Variants in TAAR5 observed in about 807,000 individuals in gnomAD.
TAAR5 encodes trace amine associated receptor 5.
A neutral mutation model predicts 21.1 loss-of-function variants in TAAR5; 27 were observed. The ratio of observed to expected loss-of-function variants is 1.28; its 90% confidence interval spans 0.94 to 1.76. TAAR5 has a LOEUF of 1.76. Ranked by LOEUF, TAAR5 falls within the 40% of genes most tolerant of loss-of-function variation. The probability of loss-of-function intolerance (pLI) is 0.00; values close to 1 mark genes in which losing one functional copy is unlikely to be tolerated. For synonymous variants in TAAR5, 203 were observed against 167.5 expected, an observed-to-expected ratio of 1.21 and a Z score of -1.64; for missense variants, 495 against 405.6, an observed-to-expected ratio of 1.22 and a Z score of -1.89.
the TAAR5 span, among the ~76,000 whole-genome samples, chr6:132,607,480 A>AC: frequency 6.6e-6 from 1 of 152,100 alleles, no homozygotes; most frequent in Non-Finnish European, 1.5e-5. Flanking sequence ...TTTGGGGGGT[A>AC]CCCTAAGGAA....
the TAAR5 span, among the ~76,000 whole-genome samples, chr6:132,598,013 A>G: frequency 6.6e-6 from 1 of 152,192 alleles, no homozygotes; most frequent in East Asian, 1.9e-4. Flanking sequence ...AGAAGAGGGA[A>G]ATATAGCTCA....
Position 132,589,705 on chromosome 6 carries a change from C to G in TAAR5, c.-19G>C. 8.1e-7 allele frequency: 1 copy of G among 1,239,038 alleles called. No individual in the cohort carries two copies. The highest frequency in any genetic ancestry group is 2.8e-5 in the Admixed American group (1 of 35,316). 76.8% of individuals were successfully genotyped at this position (1,239,038 alleles called of 1,614,324 possible). A position where few individuals can be genotyped will look rare whatever the true frequency, so the allele number is the denominator to read the frequency against. On this transcript the variant is annotated 5_prime_UTR_variant, in exon 1 of 1. Transcript: ENST00000258034. The stretch of plus-strand genomic sequence containing the variant: ...CTCTCATTTATGATTTCTACTCTTC[C>G]TCTGTCTGAGAACTGGCCACCTTCT...
chr6:132,597,401 T>C, the TAAR5 span, among the ~76,000 whole-genome samples: 4 of 152,152 alleles, frequency 2.6e-5, no homozygotes, highest in Non-Finnish European at 4.4e-5. Flanking sequence ...TGAAAAGTTA[T>C]GAAAACAAGT....
In TAAR5 at chr6:132,588,969, G is replaced by A. The variant is rs188569215; in HGVS notation, c.718C>T (p.Leu240=). The A allele has an allele frequency of 2.2e-4, 362 of 1,614,048 alleles. No individual in the cohort carries two copies. The highest frequency in any genetic ancestry group is 2.8e-4 in the Non-Finnish European group (336 of 1,179,980). The stretch of plus-strand genomic sequence containing the variant: ...CTCTCATGCTTGGCAGCCCCAGCCA[G>A]GCTTTTGCTCAATGTGGTAATCTGC... The part of the protein sequence containing the change: ...AQQITTLSKS[L]AGAAKHERKA... Residue 240 remains leucine (L), a synonymous_variant, in exon 1 of 1, where the codon CTG becomes TTG. Transcript: ENST00000258034.
the TAAR5 span, among the ~76,000 whole-genome samples, chr6:132,613,694 C>T: frequency 6.6e-6 from 1 of 152,152 alleles, no homozygotes; most frequent in East Asian, 1.9e-4. Context: ...TGTCTGGACA[C>T]ATTCATTTTA....
chr6:132,598,456 A>G, the TAAR5 span, among the ~76,000 whole-genome samples: 1 of 152,180 alleles, frequency 6.6e-6, no homozygotes, highest in Non-Finnish European at 1.5e-5. Context: ...AGGCTGGTGA[A>G]ATTAATATAA....
the TAAR5 span, chr6:132,609,200 C>A: frequency 2.8e-6 from 1 of 352,552 alleles, no homozygotes; most frequent in African/African-American, 2.1e-5. Flanking sequence ...ATGAAAAGAG[C>A]GGTTGGTGGG....
At chr6:132,595,608 G>A in the TAAR5 span, among the ~76,000 whole-genome samples, 3 of 152,148 alleles carry the variant, frequency 2.0e-5, no homozygotes, top group African/African-American at 4.8e-5. Context: ...CTGACCAGGA[G>A]CACTGCTTCC....
the TAAR5 span, among the ~76,000 whole-genome samples, chr6:132,597,374 C>T: frequency 3.3e-5 from 5 of 151,982 alleles, no homozygotes; most frequent in Admixed American, 1.3e-4. Context: ...TTTCAAACTC[C>T]TATCTTAAGC....
At chr6:132,597,559 A>G in the TAAR5 span, among the ~76,000 whole-genome samples, 9 of 152,212 alleles carry the variant, frequency 5.9e-5, no homozygotes, top group African/African-American at 2.2e-4. Flanking sequence ...GAAAAGATAG[A>G]TACAGCATTT....
At chr6:132,591,142 T>A (rs889046931), upstream of TAAR5, among the ~76,000 whole-genome samples, 1 of 152,198 alleles carries the variant, frequency 6.6e-6, no homozygotes, top group Non-Finnish European at 1.5e-5. Flanking sequence ...CTAACCTCTC[T>A]CTCTGCTTCC....
At chr6:132,601,019 G>A in the TAAR5 span, among the ~76,000 whole-genome samples, 47 of 19,600 alleles carry the variant, frequency 2.4e-3, no homozygotes, top group African/African-American at 0.024. Flanking sequence ...GAAGGAAGGG[G>A]GGAAGGAGGG....
rs1329889890 is a variant in TAAR5 at position 132,589,320 on chromosome 6, A to C, written c.367T>G (p.Phe123Val). ...LDTLFCLTSI[F>V]HLCFISIDRH... ...TCAATGGAAATGAAACAGAGATGGAAGATGGAGGTGAGGCAGAAGAGGGTG... is the reference window on the plus strand; with the variant it reads ...TCAATGGAAATGAAACAGAGATGGACGATGGAGGTGAGGCAGAAGAGGGTG... The change falls in exon 1 of 1, where the codon TTC becomes GTC. Residue 123 changes from phenylalanine (F) to valine (V), a missense_variant. Phe to Val is a conservative substitution (Grantham distance 50). Coordinates refer to ENST00000258034, the MANE Select transcript of TAAR5 (RefSeq NM_003967.3). The C allele has an allele frequency of 2.5e-5, 41 of 1,613,606 alleles. No homozygotes were observed. Among genetic ancestry groups the C allele is most frequent in the Non-Finnish European group, 3.4e-5 (40 of 1,179,876 alleles).
chr6:132,616,746 C>T, the TAAR5 span, among the ~76,000 whole-genome samples: 3 of 152,180 alleles, frequency 2.0e-5, no homozygotes, highest in African/African-American at 4.8e-5. Flanking sequence ...TGGTAAGATA[C>T]TGAGGAACAA....
chr6:132,589,413 T>C lies in TAAR5; in HGVS notation c.274A>G (p.Thr92Ala), dbSNP rs758087771. The C allele has an allele frequency of 6.8e-6, 11 of 1,613,798 alleles. No homozygotes were observed. In the South Asian group the frequency reaches 1.2e-4, roughly 18 times the overall value. ...FLGLLVLPLSTIRSVESCWFF... is the reference protein window; with the variant it reads ...FLGLLVLPLSAIRSVESCWFF... ...CAGCAGCTCTCCACTGAGCGAATGG[T>C]GCTGAGGGGCAGCACCAGCAGACCC... Residue 92 changes from threonine (T) to alanine (A), a missense_variant, in exon 1 of 1, where the codon ACC becomes GCC. Coordinates refer to ENST00000258034, the MANE Select transcript of TAAR5 (RefSeq NM_003967.3).
the TAAR5 span, among the ~76,000 whole-genome samples, chr6:132,613,445 G>A: frequency 1.3e-5 from 2 of 152,018 alleles, no homozygotes; most frequent in Non-Finnish European, 2.9e-5. Context: ...AAATTTTTAT[G>A]TTATCTATTA....
At chr6:132,598,639 C>T in the TAAR5 span, among the ~76,000 whole-genome samples, 2,953 of 152,280 alleles carry the variant, frequency 0.019, 42 homozygotes, top group Middle Eastern at 0.058. Flanking sequence ...AAATATGCCT[C>T]TAGGGGCAGT....
At chr6:132,600,301 C>T in the TAAR5 span, among the ~76,000 whole-genome samples, 3 of 152,264 alleles carry the variant, frequency 2.0e-5, no homozygotes, top group Non-Finnish European at 4.4e-5. Flanking sequence ...CATTTACATG[C>T]CTTCTTTGAG....
upstream of TAAR5, chr6:132,594,642 C>T (rs758336540): frequency 3.3e-5 from 5 of 152,220 alleles, no homozygotes; most frequent in Non-Finnish European, 5.9e-5. Context: ...ACTCCCATGA[C>T]TATGCCTAAG....
Sources: allele counts gnomAD v4.1 joint callset (sites outside exome capture counted in the v4.1 genomes callset), GRCh38; gene constraint gnomAD v4.1.1; transcripts MANE v1.5; gene names NCBI Gene and HGNC (gene_info 2026-07-23, HGNC 2026-07-21).